Variants in CCDC178 observed in about 807,000 individuals in gnomAD.
CCDC178 encodes coiled-coil domain containing 178, also known as coiled-coil domain-containing protein 178.
A neutral mutation model predicts 117.4 loss-of-function variants in CCDC178; 126 were observed. That is an observed-to-expected ratio of 1.07 (90% CI 0.93 to 1.24). CCDC178 has a LOEUF of 1.24. Among genes scored for constraint, CCDC178 ranks in the 50% most tolerant of loss-of-function variants. The pLI, the probability that CCDC178 is intolerant of heterozygous loss-of-function variation, is 0.00. For synonymous variants in CCDC178, 283 were observed against 313.4 expected (o/e 0.90, Z 1.02); for missense variants, 1,030 against 986.9 (o/e 1.04, Z -0.59).
At chr18:33,236,769 T>C (rs1203050098) in intron 15 of CCDC178, among the ~76,000 whole-genome samples, 2 of 152,046 alleles carry the variant, frequency 1.3e-5, no homozygotes, top group Non-Finnish European at 2.9e-5. Flanking sequence ...ACTCTGGTAA[T>C]TGGAAGTCCA....
chr18:33,375,978 G>C (rs2063359481), intron 5 of CCDC178, among the ~76,000 whole-genome samples: 1 of 152,138 alleles, frequency 6.6e-6, no homozygotes, highest in Non-Finnish European at 1.5e-5. Context: ...GGAAAGGAAG[G>C]AAAGAAAAGA....
chr18:33,055,233 G>A (rs1161607428), intron 21 of CCDC178, among the ~76,000 whole-genome samples: 1 of 152,086 alleles, frequency 6.6e-6, no homozygotes, highest in Non-Finnish European at 1.5e-5. Flanking sequence ...TGTTCACTCT[G>A]ATGATAGTTT....
chr18:33,348,558 T>A (rs1391451464), intron 8 of CCDC178, among the ~76,000 whole-genome samples: 1 of 151,924 alleles, frequency 6.6e-6, no homozygotes, highest in East Asian at 1.9e-4. Flanking sequence ...ACGTGGCTAG[T>A]AGCTATTCTA....
chr18:33,334,597 G>A (rs1345307655), intron 9 of CCDC178, among the ~76,000 whole-genome samples: 2 of 151,882 alleles, frequency 1.3e-5, no homozygotes, highest in African/African-American at 4.8e-5. Context: ...GGAATTTGCT[G>A]ATGTCTTTAC....
At position 33,384,752 on chromosome 18, in the gene CCDC178, C is replaced by T. The variant is rs1444335436; in HGVS notation, c.208+4788G>A. 2.6e-5 allele frequency among the ~76,000 whole-genome samples: 4 copies of T among 152,138 alleles called. No individual in the cohort carries two copies. The South Asian group carries it at 8.3e-4, about 32-fold the overall frequency. ...TAGGAAAAACCATTATCATCCACTA[C>T]GAAAACACACTGAAGTACACAGACC... On this transcript the variant is annotated intron_variant, in intron 5 of 22. Transcript: ENST00000383096.
chr18:33,010,925 A>G (rs968830173), intron 21 of CCDC178, among the ~76,000 whole-genome samples: 1 of 152,176 alleles, frequency 6.6e-6, no homozygotes, highest in Non-Finnish European at 1.5e-5. Context: ...TAATGATCTA[A>G]GACAGTGTGT....
intron 21 of CCDC178, among the ~76,000 whole-genome samples, chr18:33,088,718 G>T (rs2057419127): frequency 6.6e-6 from 1 of 152,088 alleles, no homozygotes; most frequent in East Asian, 1.9e-4. Flanking sequence ...TCTAATTCTT[G>T]TCTCTGTAAT....
intron 20 of CCDC178, among the ~76,000 whole-genome samples, chr18:33,158,555 A>G (rs984003197): frequency 2.0e-5 from 3 of 152,076 alleles, no homozygotes; most frequent in African/African-American, 7.2e-5. Flanking sequence ...ACCAATTTAT[A>G]TTTTAGTGCC....
intron 4 of CCDC178, among the ~76,000 whole-genome samples, chr18:33,395,280 TA>T (rs1466280146): frequency 6.6e-6 from 1 of 151,898 alleles, no homozygotes. Context: ...TTTAAAAATA[TA>T]ATTTTCATGC....
intron 9 of CCDC178, among the ~76,000 whole-genome samples, chr18:33,343,985 T>C (rs954827188): frequency 8.5e-5 from 13 of 152,072 alleles, no homozygotes; most frequent in African/African-American, 3.1e-4. Context: ...CTGAAAGGAA[T>C]ATGTTTCAAA....
At chr18:32,973,093 G>A (rs2054962629) in intron 22 of CCDC178, among the ~76,000 whole-genome samples, 1 of 151,890 alleles carries the variant, frequency 6.6e-6, no homozygotes, top group African/African-American at 2.4e-5. Context: ...TTAAAATCAA[G>A]TTTGGTAAAC....
At chr18:32,956,648 C>T (rs540087884) in intron 22 of CCDC178, 46 of 152,212 alleles carry the variant, frequency 3.0e-4, no homozygotes, top group African/African-American at 1.1e-3. Flanking sequence ...ATTTGTGAGG[C>T]CCAAGTTAAA....
intron 20 of CCDC178, among the ~76,000 whole-genome samples, chr18:33,189,417 A>G (rs2058831887): frequency 6.6e-6 from 1 of 152,162 alleles, no homozygotes; most frequent in South Asian, 2.1e-4. Flanking sequence ...TTTGTATATT[A>G]TATATGTATT....
At chr18:33,308,452 G>A (rs1317708813) in intron 11 of CCDC178, among the ~76,000 whole-genome samples, 1 of 152,148 alleles carries the variant, frequency 6.6e-6, no homozygotes. Context: ...TGATTTTACA[G>A]GTTCATGGGC....
chr18:32,941,490 A>G (rs1375658448), intron 22 of CCDC178, among the ~76,000 whole-genome samples: 2 of 152,108 alleles, frequency 1.3e-5, no homozygotes, highest in Non-Finnish European at 2.9e-5. Context: ...ATATATTGGC[A>G]AGTTAGCAAA....
chr18:33,389,566 T>G lies in CCDC178; in HGVS notation c.182A>C (p.His61Pro). Residue 61 changes from histidine to proline, a missense_variant, in exon 5 of 23, where the codon CAT becomes CCT. Physicochemically the swap from His to Pro is moderately conservative, Grantham distance 77. Transcript: ENST00000383096. ...TTCAGTATTTGTCATTTTACTTTCA[T>G]GAAAACCTTCACTGTTCTCCTTAGA... Reference protein sequence around the residue: ...GASKENSEGFHESKMTNTEGV... With the variant: ...GASKENSEGFPESKMTNTEGV... The G allele has an allele frequency of 1.3e-6, 2 of 1,522,784 alleles. No individual in the cohort carries two copies. Among genetic ancestry groups the G allele is most frequent in the Non-Finnish European group, 1.8e-6 (2 of 1,136,046 alleles). 94.3% of individuals were successfully genotyped at this position (1,522,784 alleles called of 1,614,324 possible). A position where few individuals can be genotyped will look rare whatever the true frequency, so the allele number is the denominator to read the frequency against.
At chr18:33,240,088 A>T (rs1217818102) in intron 15 of CCDC178, among the ~76,000 whole-genome samples, 1 of 151,960 alleles carries the variant, frequency 6.6e-6, no homozygotes, top group Non-Finnish European at 1.5e-5. Context: ...TAAGTAGAAG[A>T]TTAAAACTAT....
At chr18:33,034,119 T>C (rs1231797119) in intron 21 of CCDC178, among the ~76,000 whole-genome samples, 1 of 151,972 alleles carries the variant, frequency 6.6e-6, no homozygotes, top group African/African-American at 2.4e-5. Flanking sequence ...GGAGTCATCC[T>C]AGGCTCCTTT....
At chr18:33,019,003 C>A (rs937403373) in intron 21 of CCDC178, among the ~76,000 whole-genome samples, 2 of 152,048 alleles carry the variant, frequency 1.3e-5, no homozygotes, top group African/African-American at 4.8e-5. Context: ...AATAAAACAT[C>A]TTGTTCATAT....
Sources: gnomAD v4.1 joint callset for allele counts (sites outside exome capture counted in the v4.1 genomes callset) on GRCh38, gnomAD v4.1.1 for gene constraint, MANE v1.5 for transcripts, NCBI Gene and HGNC (gene_info 2026-07-23, HGNC 2026-07-21) for gene names.